Variants in FKBP5 observed in about 807,000 individuals in gnomAD.
FKBP5 encodes the protein peptidyl-prolyl cis-trans isomerase FKBP5.
FKBP5 carries 23 observed loss-of-function variants against 50.5 expected under a neutral mutation model. The ratio of observed to expected loss-of-function variants is 0.46; its 90% CI spans 0.33 to 0.65. The LOEUF (loss-of-function observed/expected upper bound fraction) is 0.65. Among genes scored for constraint, FKBP5 ranks in the 30% least tolerant of loss-of-function variants. The probability of loss-of-function intolerance (pLI) is 0.02; values close to 1 mark genes in which losing one functional copy is unlikely to be tolerated. For missense variants in FKBP5, 411 were observed against 553.1 expected (o/e 0.74, Z 2.58); for synonymous variants, 176 against 190.6 (o/e 0.92, Z 0.63).
chr6:35,726,536 C>CCA (rs10599241), intron 1 of FKBP5, among the ~76,000 whole-genome samples: 3,961 of 139,326 alleles, frequency 0.028, 57 homozygotes, highest in African/African-American at 0.039. Context: ...TCCTCCTCCT[C>CCA]CACACACACA....
intron 1 of FKBP5, among the ~76,000 whole-genome samples, chr6:35,647,828 T>C (rs1453174302): frequency 8.5e-5 from 13 of 152,242 alleles, no homozygotes; most frequent in Non-Finnish European, 1.5e-4. Context: ...ACTTGTCTTC[T>C]TTCCTTAATT....
intron 5 of FKBP5, among the ~76,000 whole-genome samples, chr6:35,601,837 T>C (rs1168839449): frequency 1.3e-5 from 2 of 152,148 alleles, no homozygotes; most frequent in Non-Finnish European, 2.9e-5. Flanking sequence ...AGGGCTTTTT[T>C]GGTAGAGAAA....
chr6:35,637,645 G>A (rs989607635), intron 2 of FKBP5, among the ~76,000 whole-genome samples: 5 of 151,880 alleles, frequency 3.3e-5, no homozygotes, highest in Non-Finnish European at 7.4e-5. Flanking sequence ...TGTATTTTTA[G>A]TAGAGATGGG....
rs564964346 is a variant in FKBP5 at position 35,674,928 on chromosome 6, G to A, written c.-20+13876C>T. 2.0e-5 allele frequency among the ~76,000 whole-genome samples: 3 copies of A among 152,252 alleles called. No homozygotes were observed. In the East Asian group the frequency reaches 5.8e-4, roughly 29 times the overall value. On this transcript the variant is annotated intron_variant, in intron 1 of 10. Transcript: ENST00000357266. ...TAATTATCTTTTGTGCATATGTTCTGTCCTTTCTGAGAGCAGGATCATGTC... is the reference window on the plus strand; with the variant it reads ...TAATTATCTTTTGTGCATATGTTCTATCCTTTCTGAGAGCAGGATCATGTC...
At chr6:35,688,442 G>A (rs1386849204) in intron 1 of FKBP5, among the ~76,000 whole-genome samples, 3 of 151,998 alleles carry the variant, frequency 2.0e-5, no homozygotes, top group Non-Finnish European at 4.4e-5. Context: ...CATCCCGGGC[G>A]GGAAACAAAA....
intron 2 of FKBP5, among the ~76,000 whole-genome samples, chr6:35,717,442 T>C (rs1377581320): frequency 6.6e-6 from 1 of 152,238 alleles, no homozygotes; most frequent in East Asian, 1.9e-4. Flanking sequence ...TGGGGCTACA[T>C]GCCCATGTAT....
chr6:35,685,398 A>G (rs572593098), intron 1 of FKBP5, among the ~76,000 whole-genome samples: 2 of 152,354 alleles, frequency 1.3e-5, no homozygotes, highest in East Asian at 3.9e-4. Flanking sequence ...AATTTTCTTT[A>G]TACTTTTGGG....
intron 5 of FKBP5, among the ~76,000 whole-genome samples, chr6:35,610,197 T>G (rs1353455547): frequency 2.6e-5 from 4 of 152,180 alleles, no homozygotes; most frequent in African/African-American, 4.8e-5. Flanking sequence ...AAGTTGACTT[T>G]AGGAGCAGAA....
chr6:35,587,763 G>A (rs1762649282), intron 7 of FKBP5, among the ~76,000 whole-genome samples: 1 of 152,106 alleles, frequency 6.6e-6, no homozygotes, highest in Non-Finnish European at 1.5e-5. Context: ...CTTGTATTGT[G>A]TGTATTATTA....
At chr6:35,630,331 G>A (rs902871503) in intron 3 of FKBP5, among the ~76,000 whole-genome samples, 1 of 152,064 alleles carries the variant, frequency 6.6e-6, no homozygotes, top group Non-Finnish European at 1.5e-5. Context: ...GGCGGATCAC[G>A]AGGTCTGGAG....
intron 1 of FKBP5, among the ~76,000 whole-genome samples, chr6:35,652,495 C>T (rs923511826): frequency 5.3e-5 from 8 of 152,150 alleles, no homozygotes; most frequent in African/African-American, 1.2e-4. Context: ...CTGGCCCCCC[C>T]GGGGCATACC....
chr6:35,715,136 G>A (rs1766490380), intron 2 of FKBP5, among the ~76,000 whole-genome samples: 1 of 152,150 alleles, frequency 6.6e-6, no homozygotes, highest in Non-Finnish European at 1.5e-5. Context: ...CTGGCCTCAG[G>A]TGATCCACCC....
At chr6:35,593,556 T>C (rs1332945730) in intron 6 of FKBP5, among the ~76,000 whole-genome samples, 1 of 152,090 alleles carries the variant, frequency 6.6e-6, no homozygotes, top group Non-Finnish European at 1.5e-5. Context: ...TAGTCTGTTT[T>C]TTTATTTTTA....
Position 35,619,133 on chromosome 6 carries a change from C to CT in FKBP5, c.470dup (p.Tyr159IlefsTer24), listed in dbSNP as rs1350403982. On this transcript the variant is annotated frameshift_variant, in exon 5 of 11. Transcript: ENST00000357266. LOFTEE classifies it high-confidence loss of function. ...CTCCTTCGTTTGGATTTGAATATCCCTCTCCTTTCCGTTTGGTTCTCCGGA... is the reference window on the plus strand; with the variant it reads ...CTCCTTCGTTTGGATTTGAATATCCCTTCTCCTTTCCGTTTGGTTCTCCGGA... 1 of 1,613,652 alleles carries CT rather than the reference C, an allele frequency of 6.2e-7. No individual in the cohort carries two copies. Among genetic ancestry groups the CT allele is most frequent in the Non-Finnish European group, 8.5e-7 (1 of 1,179,770 alleles).
chr6:35,646,636 A>C (rs1453773206), intron 1 of FKBP5, among the ~76,000 whole-genome samples: 2 of 152,216 alleles, frequency 1.3e-5, no homozygotes, highest in African/African-American at 4.8e-5. Flanking sequence ...CACCATTTTT[A>C]TAAGAGAGAC....
intron 7 of FKBP5, among the ~76,000 whole-genome samples, chr6:35,588,025 T>TA (rs1762664639): frequency 6.6e-6 from 1 of 151,406 alleles, no homozygotes; most frequent in African/African-American, 2.4e-5. Flanking sequence ...TTATTATTAT[T>TA]ATTATTATTT....
At chr6:35,579,910 A>T in intron 9 of FKBP5, 126 bp downstream of exon 9, 1 of 677,574 alleles carries the variant, frequency 1.5e-6, no homozygotes, top group Non-Finnish European at 2.4e-6. Context: ...AATCCCAAAC[A>T]TTCAAATAAA....
At chr6:35,606,233 A>T (rs1352998403) in intron 5 of FKBP5, among the ~76,000 whole-genome samples, 1 of 152,234 alleles carries the variant, frequency 6.6e-6, no homozygotes, top group Non-Finnish European at 1.5e-5. Context: ...AGCCCCATTA[A>T]AAAGTAGGCA....
At chr6:35,637,499 T>C (rs1388570875) in intron 2 of FKBP5, among the ~76,000 whole-genome samples, 1 of 141,554 alleles carries the variant, frequency 7.1e-6, no homozygotes, top group Non-Finnish European at 1.5e-5. Context: ...AGTCTTGCCC[T>C]GTCGCCCAGG....
Sources: gnomAD v4.1 joint callset for allele counts (sites outside exome capture counted in the v4.1 genomes callset) on GRCh38, gnomAD v4.1.1 for gene constraint, MANE v1.5 for transcripts, NCBI Gene and HGNC (gene_info 2026-07-23, HGNC 2026-07-21) for gene names.